REV3L: variants seen among roughly 807,000 people sequenced by gnomAD.
The protein encoded by REV3L is REV3 like, DNA directed polymerase zeta catalytic subunit.
Under a neutral mutation model 299.4 loss-of-function variants are expected in REV3L, and 69 were observed. That is an observed-to-expected ratio of 0.23 (90% CI 0.19 to 0.28). REV3L has a LOEUF of 0.28. Among genes scored for constraint, REV3L ranks in the 10% least tolerant of loss-of-function variants. The probability of loss-of-function intolerance (pLI) is 1.00; values close to 1 mark genes in which losing one functional copy is unlikely to be tolerated. For synonymous variants in REV3L, 1,238 were observed against 1,271.4 expected (o/e 0.97, Z 0.56); for missense variants, 3,128 against 3,693.8 (o/e 0.85, Z 3.97).
chr6:111,472,187 G>C (rs1354809671), intron 1 of REV3L: 1 of 1,180,138 alleles, frequency 8.5e-7, no homozygotes, highest in South Asian at 1.4e-5. Flanking sequence ...GAGAAACTGC[G>C]AGTATGCCAA....
rs748256699 is a variant in REV3L at position 111,374,024 on chromosome 6, G to A, written c.4331C>T (p.Pro1444Leu). ...GCTTTCCTCTGAAGCTGTATTTCCCGGAGAACAAGTTTCACTGTGCTTTGA... is the reference window on the plus strand; with the variant it reads ...GCTTTCCTCTGAAGCTGTATTTCCCAGAGAACAAGTTTCACTGTGCTTTGA... ...EQSKHSETCS[P>L]GNTASEESQM... is the part of the protein sequence containing the mutation. The change falls in exon 13 of 32, where the codon CCG becomes CTG. Residue 1444 changes from proline to leucine, a missense_variant. By Grantham distance (98) the Pro-to-Leu change is moderately conservative (BLOSUM62 -3). Around this residue, in one of 9 missense-constraint regions of REV3L, gnomAD observed 2,409 missense variants for 2,611.8 expected, o/e 0.92. Coordinates refer to ENST00000368802, the MANE Select transcript of REV3L (RefSeq NM_001372078.1). 55 of 1,613,930 alleles carry A rather than the reference G, an allele frequency of 3.4e-5. No homozygotes were observed. The highest frequency in any genetic ancestry group is 1.6e-4 in the Middle Eastern group (1 of 6,084).
At chr6:111,393,440 T>C (rs1202329988) in intron 4 of REV3L, among the ~76,000 whole-genome samples, 1 of 152,224 alleles carries the variant, frequency 6.6e-6, no homozygotes, top group Non-Finnish European at 1.5e-5. Flanking sequence ...CAATCTGTAA[T>C]GACAAAATCA....
At chr6:111,454,023 CTA>C (rs1789868521) in intron 1 of REV3L, among the ~76,000 whole-genome samples, 1 of 151,736 alleles carries the variant, frequency 6.6e-6, no homozygotes, top group Non-Finnish European at 1.5e-5. Flanking sequence ...AAGTTATGTG[CTA>C]TGTTTCCTCC....
chr6:111,350,029 T>C (rs969041270), intron 19 of REV3L, among the ~76,000 whole-genome samples: 5 of 152,214 alleles, frequency 3.3e-5, no homozygotes, highest in South Asian at 2.1e-4. Context: ...TGTTGATGAT[T>C]AGAGGTTCCA....
chr6:111,360,042 A>G (rs1778490027), intron 16 of REV3L, among the ~76,000 whole-genome samples: 1 of 152,202 alleles, frequency 6.6e-6, no homozygotes, highest in Admixed American at 6.5e-5. Flanking sequence ...AAATATACAC[A>G]ACAAGGATGT....
At chr6:111,306,408 T>C (rs1281532554) in intron 31 of REV3L, among the ~76,000 whole-genome samples, 1 of 152,066 alleles carries the variant, frequency 6.6e-6, no homozygotes, top group Non-Finnish European at 1.5e-5. Flanking sequence ...GACAGAGGGA[T>C]AGCAGGTAGG....
chr6:111,309,550 C>T (rs886265881), intron 30 of REV3L: 42 of 212,252 alleles, frequency 2.0e-4, no homozygotes, highest in South Asian at 1.5e-4. Flanking sequence ...ACTAGGGTCT[C>T]GGGTTTTTAT....
intron 2 of REV3L, among the ~76,000 whole-genome samples, chr6:111,413,227 G>A (rs1784423789): frequency 2.0e-5 from 3 of 152,078 alleles, no homozygotes. Context: ...TGGAAACATG[G>A]GTTATCTTCA....
At position 111,378,555 on chromosome 6, in the gene REV3L, C is replaced by A. The variant is rs1780529647; in HGVS notation, c.1455-712G>T. On this transcript the variant is annotated intron_variant, in intron 11 of 31. Transcript: ENST00000368802. Reference sequence around the variant, plus strand: ...CAGAGGTCCAGTCCAACTTTCTACCCAATGCGAAAACCTCATTTTTAACGA... The same window carrying A: ...CAGAGGTCCAGTCCAACTTTCTACCAAATGCGAAAACCTCATTTTTAACGA... Among the ~76,000 whole-genome samples the A allele has an allele frequency of 2.0e-5, 3 of 152,084 alleles. 1 individual carries two copies. The South Asian group carries it at 6.2e-4, about 32-fold the overall frequency.
intron 1 of REV3L, among the ~76,000 whole-genome samples, chr6:111,450,024 T>A (rs1789312499): frequency 6.6e-6 from 1 of 151,874 alleles, no homozygotes; most frequent in African/African-American, 2.4e-5. Flanking sequence ...CAAACATAAA[T>A]CAAAATTTTC....
intron 21 of REV3L, among the ~76,000 whole-genome samples, chr6:111,342,605 T>C (rs1776629257): frequency 6.6e-6 from 1 of 151,498 alleles, no homozygotes; most frequent in Non-Finnish European, 1.5e-5. Flanking sequence ...GAGGCGGAGC[T>C]TGCAGTGAGC....
rs1562130583 is a variant in REV3L, at chr6:111,329,693, A to G, written c.8080T>C (p.Leu2694=). The G allele has an allele frequency of 1.2e-6, 2 of 1,613,794 alleles. No individual in the cohort carries two copies. The highest frequency in any genetic ancestry group is 1.7e-6 in the Non-Finnish European group (2 of 1,180,038). ...GVLPRMLEEI[L]KTRFMVKQSM... ...TGCTTCACCATAAATCTAGTCTTCA[A>G]AATTTCTTCAAGCATTCTTGGTAGT... The change falls in exon 25 of 32, where the codon TTG becomes CTG. Residue 2694 remains leucine (L), a synonymous_variant. Transcript: ENST00000368802.
At chr6:111,472,319 T>G (rs930352669) in intron 1 of REV3L, among the ~76,000 whole-genome samples, 1 of 152,110 alleles carries the variant, frequency 6.6e-6, no homozygotes. Context: ...TAAATATATA[T>G]GCAAAATAAT....
intron 30 of REV3L, 122 bp from the exon 31 acceptor site, chr6:111,307,692 G>A: frequency 1.2e-6 from 1 of 855,004 alleles, no homozygotes. Flanking sequence ...TTCAACAAAT[G>A]TTGAGTAGCT....
intron 17 of REV3L, among the ~76,000 whole-genome samples, chr6:111,358,549 A>G (rs1252864442): frequency 6.6e-6 from 1 of 152,164 alleles, no homozygotes; most frequent in Non-Finnish European, 1.5e-5. Flanking sequence ...TACAGCCCCA[A>G]ACTCCTGGGC....
Position 111,331,773 on chromosome 6 carries a change from A to T in REV3L, c.7937T>A (p.Phe2646Tyr). The T allele has an allele frequency of 6.2e-7, 1 of 1,607,706 alleles. No individual in the cohort carries two copies. The highest frequency in any genetic ancestry group is 8.5e-7 in the Non-Finnish European group (1 of 1,174,590). ...HVENLGKYDE[F>Y]KFGCTSLRVP... Reference sequence around the variant, plus strand: ...TCTCAGAGAGGTACAGCCAAATTTGAACTCATCATACCTGTTAAGAAAGAG... The same window carrying T: ...TCTCAGAGAGGTACAGCCAAATTTGTACTCATCATACCTGTTAAGAAAGAG... Residue 2646 changes from phenylalanine to tyrosine, a missense_variant, in exon 24 of 32, where the codon TTC becomes TAC. Around this residue, in one of 9 missense-constraint regions of REV3L, gnomAD observed 149 missense variants for 286.4 expected, o/e 0.52. Coordinates refer to ENST00000368802, the MANE Select transcript of REV3L (RefSeq NM_001372078.1).
Position 111,376,757 on chromosome 6 carries a change from T to C in REV3L, c.1598A>G (p.Asp533Gly), listed in dbSNP as rs1410182563. The part of the protein sequence containing the change: ...QLDGTADENS[D>G]NPLNNENSRT... ...AGAATTTTCATTGTTCAATGGATTG[T>C]CTGAAATGAGGAGGGAAAAACAGTT... Residue 533 changes from aspartate (D) to glycine (G), a missense_variant and splice_region_variant, in exon 13 of 32, where the codon GAC becomes GGC. Physicochemically the swap from Asp to Gly is moderately conservative, Grantham distance 94. Coordinates refer to ENST00000368802, the MANE Select transcript of REV3L (RefSeq NM_001372078.1). 6.4e-7 allele frequency: 1 copy of C among 1,556,328 alleles called. No homozygotes were observed. The highest frequency in any genetic ancestry group is 8.6e-7 in the Non-Finnish European group (1 of 1,162,118).
chr6:111,308,989 G>T (rs990908588), intron 30 of REV3L, among the ~76,000 whole-genome samples: 3 of 152,338 alleles, frequency 2.0e-5, no homozygotes, highest in Admixed American at 2.0e-4. Flanking sequence ...ACAATGGCTC[G>T]CTTCTTCAGT....
At chr6:111,303,161 C>CTTTTTTTTTTTTTT (rs1192743753) in intron 31 of REV3L, among the ~76,000 whole-genome samples, 3 of 55,546 alleles carry the variant, frequency 5.4e-5, no homozygotes, top group Non-Finnish European at 1.2e-4. Flanking sequence ...GCTTTCTTTT[C>CTTTTTTTTTTTTTT]TTTCTTTTTT....
Sources: allele counts gnomAD v4.1 joint callset (sites outside exome capture counted in the v4.1 genomes callset), GRCh38; gene constraint gnomAD v4.1.1; regional missense constraint gnomAD v4.1.1; transcripts MANE v1.5; gene names NCBI Gene and HGNC (gene_info 2026-07-23, HGNC 2026-07-21).